CHCHD6: variants seen among roughly 807,000 people sequenced by gnomAD.
CHCHD6 encodes the protein coiled-coil-helix-coiled-coil-helix domain containing 6.
A neutral mutation model predicts 32.3 loss-of-function variants in CHCHD6; 28 were observed. That is an observed-to-expected ratio of 0.87 (90% CI 0.64 to 1.19). The LOEUF (loss-of-function observed/expected upper bound fraction) is 1.19, where lower values mean the gene tolerates loss of function less well. Ranked by LOEUF, CHCHD6 falls within the 50% of genes most tolerant of loss-of-function variation. The pLI is 0.00. For synonymous variants in CHCHD6, 122 were observed against 117.5 expected, an observed-to-expected ratio of 1.04 and a Z score of -0.25; for missense variants, 333 against 307.0, an observed-to-expected ratio of 1.08 and a Z score of -0.63.
At chr3:126,878,622 C>G (rs376050520) in intron 5 of CHCHD6, among the ~76,000 whole-genome samples, 1 of 152,206 alleles carries the variant, frequency 6.6e-6, no homozygotes, top group East Asian at 1.9e-4. Flanking sequence ...AAAAGAATGC[C>G]AACTAGTAAG....
chr3:126,934,791 C>T (rs1275330734), intron 6 of CHCHD6, among the ~76,000 whole-genome samples: 8 of 152,120 alleles, frequency 5.3e-5, no homozygotes, highest in South Asian at 4.2e-4. Flanking sequence ...CCTCATGATC[C>T]GCCCGCCTCG....
chr3:126,790,519 T>C (rs924657827), intron 4 of CHCHD6, among the ~76,000 whole-genome samples: 3 of 152,214 alleles, frequency 2.0e-5, no homozygotes, highest in African/African-American at 7.2e-5. Flanking sequence ...GCTTTTTTCA[T>C]TTCTTTTTAC....
intron 2 of CHCHD6, among the ~76,000 whole-genome samples, chr3:126,727,758 G>A (rs949113508): frequency 6.6e-6 from 1 of 152,162 alleles, no homozygotes; most frequent in African/African-American, 2.4e-5. Flanking sequence ...AAGCTGATTT[G>A]TTCCCTACTG....
At chr3:126,942,481 A>G (rs1253227054) in intron 6 of CHCHD6, among the ~76,000 whole-genome samples, 2 of 152,116 alleles carry the variant, frequency 1.3e-5, no homozygotes, top group Non-Finnish European at 2.9e-5. Flanking sequence ...GTAACTATTC[A>G]TTTATTTGGT....
At chr3:126,837,157 G>T (rs1228264862) in intron 4 of CHCHD6, among the ~76,000 whole-genome samples, 2 of 152,172 alleles carry the variant, frequency 1.3e-5, no homozygotes, top group African/African-American at 4.8e-5. Context: ...TACCAGGTAA[G>T]ATCTTATTAC....
chr3:126,886,791 G>A (rs1247500776), intron 5 of CHCHD6, among the ~76,000 whole-genome samples: 1 of 152,052 alleles, frequency 6.6e-6, no homozygotes, highest in African/African-American at 2.4e-5. Flanking sequence ...GGAGCCTGAG[G>A]TGCCTAGGAG....
intron 4 of CHCHD6, among the ~76,000 whole-genome samples, chr3:126,840,369 A>G (rs535430401): frequency 6.6e-6 from 1 of 152,210 alleles, no homozygotes; most frequent in Non-Finnish European, 1.5e-5. Flanking sequence ...ATAGATTTTA[A>G]AAGGGTTTTA....
At chr3:126,930,030 A>C (rs2078380817) in intron 6 of CHCHD6, among the ~76,000 whole-genome samples, 1 of 152,086 alleles carries the variant, frequency 6.6e-6, no homozygotes, top group African/African-American at 2.4e-5. Context: ...TATCCAACCC[A>C]TGTTATTTCT....
At position 126,727,123 on chromosome 3, in the gene CHCHD6, C is replaced by T. The variant is rs754305461; in HGVS notation, c.133C>T (p.Pro45Ser). 1 of 1,614,054 alleles carries T rather than the reference C, an allele frequency of 6.2e-7. No homozygotes were observed. The highest frequency in any genetic ancestry group is 8.5e-7 in the Non-Finnish European group (1 of 1,179,910). The change falls in exon 2 of 8, where the codon CCC (proline) becomes TCC (serine). Residue 45 changes from proline (P) to serine (S), a missense_variant. Coordinates refer to ENST00000290913, the MANE Select transcript of CHCHD6 (RefSeq NM_032343.3). ...CCGCATGAAGGAGCCCAGCTCTCCA[C>T]CCCCTGCTCCCACATCTTCTACCTT... ...VNRMKEPSSP[P>S]PAPTSSTFGL...
At chr3:126,814,734 TGTAA>T (rs1424242979) in intron 4 of CHCHD6, among the ~76,000 whole-genome samples, 1 of 152,068 alleles carries the variant, frequency 6.6e-6, no homozygotes, top group South Asian at 2.1e-4. Flanking sequence ...AACCAGGAAA[TGTAA>T]GTGTTTCCCT....
chr3:126,880,354 G>A lies in CHCHD6; in HGVS notation c.495+27624G>A, dbSNP rs548108500. Among the ~76,000 whole-genome samples the A allele has an allele frequency of 3.9e-5, 6 of 152,110 alleles. No homozygotes were observed. The South Asian group carries it at 8.3e-4, about 21-fold the overall frequency. On this transcript the variant is annotated intron_variant, in intron 5 of 7. Transcript: ENST00000290913. ...CAGCTGCCAGGCCCACACATGCCTC[G>A]GGAGAAAGACCATAGCCAGGCCTTG... is the stretch of plus-strand genomic sequence containing the variant.
intron 5 of CHCHD6, among the ~76,000 whole-genome samples, chr3:126,861,564 C>T (rs372310525): frequency 2.6e-5 from 4 of 151,726 alleles, no homozygotes; most frequent in South Asian, 4.2e-4. Context: ...CCAGCACCAC[C>T]ACCTCATCCT....
At chr3:126,822,326 C>T (rs750879708) in intron 4 of CHCHD6, among the ~76,000 whole-genome samples, 4 of 151,934 alleles carry the variant, frequency 2.6e-5, no homozygotes, top group African/African-American at 7.2e-5. Context: ...CTATTTTTTT[C>T]CTCTCATTGT....
intron 5 of CHCHD6, among the ~76,000 whole-genome samples, chr3:126,860,428 C>T (rs1377850873): frequency 1.3e-5 from 2 of 150,874 alleles, no homozygotes; most frequent in East Asian, 3.9e-4. Flanking sequence ...GGGAACATCA[C>T]ACACCGGGGC....
chr3:126,743,901 T>C (rs989248496), intron 4 of CHCHD6, among the ~76,000 whole-genome samples: 28 of 152,200 alleles, frequency 1.8e-4, no homozygotes, highest in African/African-American at 6.3e-4. Flanking sequence ...GGAAACCTGA[T>C]TGGATCGGTG....
chr3:126,915,012 A>G (rs1398882239), intron 6 of CHCHD6, among the ~76,000 whole-genome samples: 1 of 152,230 alleles, frequency 6.6e-6, no homozygotes, highest in Non-Finnish European at 1.5e-5. Context: ...TTCGGGGCCC[A>G]GTGTCTGCTG....
chr3:126,903,054 C>A (rs943065802), intron 5 of CHCHD6, among the ~76,000 whole-genome samples: 46 of 152,270 alleles, frequency 3.0e-4, no homozygotes, highest in African/African-American at 1.1e-3. Flanking sequence ...GGGAGCAAGG[C>A]CATCTCCTAG....
At chr3:126,727,830 A>C (rs1481042890) in intron 2 of CHCHD6, among the ~76,000 whole-genome samples, 3 of 152,250 alleles carry the variant, frequency 2.0e-5, no homozygotes, top group Non-Finnish European at 4.4e-5. Flanking sequence ...TGTAGCAAAC[A>C]CAAGGAAATA....
chr3:126,802,737 A>G (rs1939146661), intron 4 of CHCHD6, among the ~76,000 whole-genome samples: 1 of 152,224 alleles, frequency 6.6e-6, no homozygotes, highest in Non-Finnish European at 1.5e-5. Context: ...CTCCTCGAGA[A>G]GAGCAACTCC....
Sources: allele counts gnomAD v4.1 joint callset (sites outside exome capture counted in the v4.1 genomes callset), GRCh38; gene constraint gnomAD v4.1.1; transcripts MANE v1.5; gene names NCBI Gene and HGNC (gene_info 2026-07-23, HGNC 2026-07-21).